SLC28A1: variants seen among roughly 807,000 people sequenced by gnomAD.
The protein encoded by SLC28A1 is solute carrier family 28 member 1, also known as sodium/nucleoside cotransporter 1.
In SLC28A1, 64 loss-of-function variants were observed where a neutral mutation model predicts 74.8. That is an observed-to-expected ratio of 0.86 (90% CI 0.70 to 1.05). The LOEUF (loss-of-function observed/expected upper bound fraction) is 1.05. Among genes scored for constraint, SLC28A1 ranks in the 50% least tolerant of loss-of-function variants. The pLI is 0.00. For missense variants in SLC28A1, 828 were observed against 822.8 expected (o/e 1.01, Z -0.08); for synonymous variants, 359 against 335.0 (o/e 1.07, Z -0.78).
chr15:84,918,183 T>C (rs1474055100), intron 9 of SLC28A1, among the ~76,000 whole-genome samples: 2 of 151,978 alleles, frequency 1.3e-5, no homozygotes, highest in Non-Finnish European at 1.5e-5. Flanking sequence ...TGTGGGCATT[T>C]TACTCCCCTT....
chr15:84,971,128 A>G, the SLC28A1 span, among the ~76,000 whole-genome samples: 3 of 152,220 alleles, frequency 2.0e-5, no homozygotes, highest in Admixed American at 2.0e-4. Context: ...AGCAACCCCT[A>G]TCAGGCATCC....
downstream of SLC28A1, among the ~76,000 whole-genome samples, chr15:84,946,979 G>C (rs2079254847): frequency 6.6e-6 from 1 of 152,202 alleles, no homozygotes. Flanking sequence ...TCCTAGCTGG[G>C]GCTGACCCTG....
At chr15:84,912,797 T>TGC (rs148740007) in intron 9 of SLC28A1, among the ~76,000 whole-genome samples, 9,028 of 118,044 alleles carry the variant, frequency 0.076, 352 homozygotes, top group Middle Eastern at 0.082. Flanking sequence ...TGCCAAATTT[T>TGC]GCGCGCGCGC....
At chr15:84,894,119 C>T (rs570186063) in intron 5 of SLC28A1, among the ~76,000 whole-genome samples, 2 of 152,270 alleles carry the variant, frequency 1.3e-5, no homozygotes, top group East Asian at 3.9e-4. Flanking sequence ...CGCTTGTAAT[C>T]GCAGCACTTT....
the SLC28A1 span, among the ~76,000 whole-genome samples, chr15:84,966,830 T>C: frequency 6.6e-6 from 1 of 152,148 alleles, no homozygotes; most frequent in Non-Finnish European, 1.5e-5. Context: ...CCACAACGTG[T>C]GGGAATTCAA....
At chr15:84,931,297 T>G (rs1414690506) in intron 12 of SLC28A1, among the ~76,000 whole-genome samples, 1 of 152,132 alleles carries the variant, frequency 6.6e-6, no homozygotes, top group Non-Finnish European at 1.5e-5. Flanking sequence ...TGCAGTTGGC[T>G]TATTACAAAC....
chr15:84,885,064 T>G (rs1249536839), intron 1 of SLC28A1, among the ~76,000 whole-genome samples: 1 of 152,136 alleles, frequency 6.6e-6, no homozygotes, highest in East Asian at 1.9e-4. Context: ...GTTCAAGCAA[T>G]TCTCCTGCCT....
At chr15:84,887,615 C>T in intron 2 of SLC28A1, 130 bp from the exon 3 acceptor site, 1 of 1,533,166 alleles carries the variant, frequency 6.5e-7, no homozygotes, top group Non-Finnish European at 8.8e-7. Flanking sequence ...TAGGTGGCCC[C>T]CAGGCAGGGC....
At chr15:84,899,951 GGAAGGAAGGAAGGAAA>G (rs1966448708) in intron 6 of SLC28A1, among the ~76,000 whole-genome samples, 1 of 134,660 alleles carries the variant, frequency 7.4e-6, no homozygotes, top group Admixed American at 7.9e-5. Flanking sequence ...AAGGAAGGAA[GGAAGGAAGGAAGGAAA>G]GAAGGAAGGA....
At chr15:84,930,208 A>C (rs1971103553) in intron 12 of SLC28A1, among the ~76,000 whole-genome samples, 1 of 152,232 alleles carries the variant, frequency 6.6e-6, no homozygotes. Context: ...AGGAAGGGTC[A>C]GGGTCCTGCC....
chr15:84,905,715 C>A, intron 8 of SLC28A1, 63 bp downstream of exon 8: 1 of 1,224,000 alleles, frequency 8.2e-7, no homozygotes, highest in Non-Finnish European at 1.2e-6. Context: ...GGAGAAGCCA[C>A]TTGGCAGGGG....
the SLC28A1 span, among the ~76,000 whole-genome samples, chr15:84,971,010 C>G: frequency 2.0e-5 from 3 of 152,180 alleles, no homozygotes; most frequent in African/African-American, 7.2e-5. Flanking sequence ...CAAGTGCTCT[C>G]CTGGCCGGCT....
Position 84,905,523 on chromosome 15 carries a change from T to G in SLC28A1, c.604-16T>G. On this transcript the variant is annotated splice_polypyrimidine_tract_variant and intron_variant, in intron 7 of 18. Coordinates refer to ENST00000394573, the MANE Select transcript of SLC28A1 (RefSeq NM_004213.5). Reference sequence around the variant, plus strand: ...TCAAGGAACTGAACTCAGCTTTCTGTTGGGTGGGGTGGTAGGTGTCCTGGA... The same window carrying G: ...TCAAGGAACTGAACTCAGCTTTCTGGTGGGTGGGGTGGTAGGTGTCCTGGA... The G allele has an allele frequency of 3.8e-5, 59 of 1,534,836 alleles. No individual in the cohort carries two copies. The highest frequency in any genetic ancestry group is 4.8e-5 in the Non-Finnish European group (53 of 1,108,100).
chr15:84,906,898 G>C (rs140216646), intron 8 of SLC28A1, among the ~76,000 whole-genome samples: 5 of 152,248 alleles, frequency 3.3e-5, no homozygotes, highest in African/African-American at 9.6e-5. Context: ...TTAGTTTAAA[G>C]ATCTTAATTG....
intron 8 of SLC28A1, among the ~76,000 whole-genome samples, chr15:84,907,318 A>G (rs1967394167): frequency 6.6e-6 from 1 of 152,008 alleles, no homozygotes; most frequent in Non-Finnish European, 1.5e-5. Context: ...TTATTTGTTT[A>G]TTTATTTTGA....
rs766639026 is a variant in SLC28A1, at chr15:84,905,629, G to A, written c.694G>A (p.Glu232Lys). ...IRTEPGFIAF[E>K]WLGEQIRIFL... The stretch of plus-strand genomic sequence containing the variant: ...AACAGAACCAGGATTCATTGCGTTC[G>A]AGTGGCTGGGCGAGCAGATCCGGGT... Residue 232 changes from glutamate (E) to lysine (K), a missense_variant, in exon 8 of 19, where the codon GAG becomes AAG. Glu to Lys is a moderately conservative substitution (Grantham distance 56). Coordinates refer to ENST00000394573, the MANE Select transcript of SLC28A1 (RefSeq NM_004213.5). The A allele has an allele frequency of 5.6e-6, 9 of 1,613,848 alleles. No individual in the cohort carries two copies. The highest frequency in any genetic ancestry group is 1.7e-5 in the Admixed American group (1 of 60,010).
intron 9 of SLC28A1, among the ~76,000 whole-genome samples, chr15:84,914,136 T>G (rs2343676): frequency 0.81 from 122,526 of 151,996 alleles, 49,715 homozygotes; most frequent in South Asian, 0.93. Flanking sequence ...TTTTGGTAGA[T>G]ACAGGGTCTC....
chr15:84,924,498 C>T (rs978272938), intron 12 of SLC28A1, among the ~76,000 whole-genome samples: 8 of 152,094 alleles, frequency 5.3e-5, no homozygotes, highest in Admixed American at 2.6e-4. Context: ...CCTAGAGATC[C>T]GTCCTACTCC....
At chr15:84,925,601 A>G (rs1007665024) in intron 12 of SLC28A1, among the ~76,000 whole-genome samples, 2 of 152,142 alleles carry the variant, frequency 1.3e-5, no homozygotes, top group Admixed American at 1.3e-4. Flanking sequence ...CTGTGTTTCA[A>G]AAAAAGAAAA....
Sources: gnomAD v4.1 joint callset for allele counts (sites outside exome capture counted in the v4.1 genomes callset) on GRCh38, gnomAD v4.1.1 for gene constraint, MANE v1.5 for transcripts, NCBI Gene and HGNC (gene_info 2026-07-23, HGNC 2026-07-21) for gene names.